PCM1: variants seen among roughly 807,000 people sequenced by gnomAD.
The protein encoded by PCM1 is pericentriolar material 1, also known as pericentriolar material 1 protein.
Under a neutral mutation model 241.9 loss-of-function variants are expected in PCM1, and 157 were observed. The ratio of observed to expected loss-of-function variants is 0.65; its 90% CI spans 0.57 to 0.74. The LOEUF (loss-of-function observed/expected upper bound fraction) is 0.74. Among genes scored for constraint, PCM1 ranks in the 30% least tolerant of loss-of-function variants. PCM1 has a pLI of 0.00. For missense variants in PCM1, 3,478 were observed against 2,360.1 expected, an observed-to-expected ratio of 1.47 and a Z score of -9.81; for synonymous variants, 1,085 against 784.9, an observed-to-expected ratio of 1.38 and a Z score of -6.39.
chr8:17,931,226 C>G (rs569696655), intron 2 of PCM1, among the ~76,000 whole-genome samples: 2 of 152,038 alleles, frequency 1.3e-5, no homozygotes, highest in African/African-American at 4.8e-5. Flanking sequence ...GGAACAAGCT[C>G]TGCATTTTAG....
intron 26 of PCM1, among the ~76,000 whole-genome samples, chr8:17,986,641 T>C (rs1188104124): frequency 6.6e-6 from 1 of 151,746 alleles, no homozygotes; most frequent in Admixed American, 6.6e-5. Flanking sequence ...GTCCTCCAAA[T>C]AGCACTTAGC....
chr8:17,980,563 A>C, intron 23 of PCM1, 28 bp from the exon 24 acceptor site: 2 of 1,555,748 alleles, frequency 1.3e-6, no homozygotes, highest in Non-Finnish European at 8.7e-7. Flanking sequence ...GTTGCAACTG[A>C]TAACAGTTGT....
rs772145803 is a variant in PCM1, at chr8:17,960,027, C to G, written c.2054C>G (p.Ala685Gly). The G allele has an allele frequency of 1.2e-6, 2 of 1,612,422 alleles. No individual in the cohort carries two copies. The highest frequency in any genetic ancestry group is 8.5e-7 in the Non-Finnish European group (1 of 1,179,334). The change falls in exon 14 of 39, where the codon GCT becomes GGT. Residue 685 changes from alanine (A) to glycine (G), a missense_variant. Transcript: ENST00000325083. ...LVAMVQDDDAAQGVISASASN... is the reference protein window; with the variant it reads ...LVAMVQDDDAGQGVISASASN... ...ATGCTCTTTCAGGATGATGATGCAG[C>G]TCAAGGAGTTATCTCTGCCAGTGCA... is the stretch of plus-strand genomic sequence containing the variant.
intron 1 of PCM1, among the ~76,000 whole-genome samples, chr8:17,924,251 T>C (rs949879976): frequency 9.9e-5 from 15 of 152,134 alleles, no homozygotes; most frequent in African/African-American, 3.4e-4. Flanking sequence ...TAATACAGAG[T>C]TTTTGAATTG....
chr8:17,955,899 T>G lies in PCM1; in HGVS notation c.1472+246T>G. 7.9e-6 allele frequency: 4 copies of G among 503,998 alleles called. 1 individual carries two copies. In the East Asian group the frequency reaches 1.1e-4, roughly 14 times the overall value. The allele number at this position is 503,998 out of a possible 1,614,324, so 31.2% of individuals were successfully genotyped here. A position where few individuals can be genotyped will look rare whatever the true frequency, so the allele number is the denominator to read the frequency against. On this transcript the variant is annotated intron_variant, in intron 10 of 38. Transcript: ENST00000325083. ...TGTTTTTCAAATAAAGGATCAAAAA[T>G]AAGATTACAGTTAAAATATTTCTAT...
At chr8:17,944,977 C>G (rs1427209909) in intron 6 of PCM1, among the ~76,000 whole-genome samples, 1 of 152,014 alleles carries the variant, frequency 6.6e-6, no homozygotes, top group Non-Finnish European at 1.5e-5. Flanking sequence ...GCTTTTTTCT[C>G]ATTTGCATAT....
At chr8:17,962,630 G>A (rs1431269506) in intron 16 of PCM1, among the ~76,000 whole-genome samples, 1 of 152,088 alleles carries the variant, frequency 6.6e-6, no homozygotes, top group East Asian at 1.9e-4. Context: ...GCCATGTGCG[G>A]TGACTCACAC....
At chr8:17,997,949 T>C (rs2087545280) in intron 29 of PCM1, among the ~76,000 whole-genome samples, 1 of 150,270 alleles carries the variant, frequency 6.7e-6, no homozygotes, top group South Asian at 2.1e-4. Context: ...GGCAGGAGAA[T>C]CGCTTGAACC....
chr8:17,934,020 A>G (rs1313001392), intron 2 of PCM1, among the ~76,000 whole-genome samples: 3 of 152,118 alleles, frequency 2.0e-5, no homozygotes, highest in Non-Finnish European at 4.4e-5. Context: ...TAAGATTTTT[A>G]AAATTAATAC....
intron 27 of PCM1, among the ~76,000 whole-genome samples, chr8:17,990,503 C>A (rs558955258): frequency 6.7e-6 from 1 of 149,962 alleles, no homozygotes; most frequent in African/African-American, 2.4e-5. Flanking sequence ...TTTTTTCCCC[C>A]TCTCCCATCA....
chr8:17,977,970 C>T (rs1401928444), intron 23 of PCM1, among the ~76,000 whole-genome samples: 2 of 152,020 alleles, frequency 1.3e-5, no homozygotes, highest in East Asian at 1.9e-4. Context: ...AGGGAGAAAA[C>T]AGAAGTAGAC....
intron 29 of PCM1, among the ~76,000 whole-genome samples, chr8:18,003,230 G>A (rs369516713): frequency 6.6e-6 from 1 of 152,274 alleles, no homozygotes; most frequent in African/African-American, 2.4e-5. Flanking sequence ...TAGACACTCA[G>A]TAAACATTAA....
chr8:17,942,429 A>G (rs1444098107), intron 6 of PCM1, among the ~76,000 whole-genome samples: 1 of 151,968 alleles, frequency 6.6e-6, no homozygotes, highest in Non-Finnish European at 1.5e-5. Context: ...GCACTCCAGC[A>G]TGGGTGACAG....
intron 24 of PCM1, among the ~76,000 whole-genome samples, chr8:17,981,561 T>A (rs2080813323): frequency 6.6e-6 from 1 of 152,170 alleles, no homozygotes; most frequent in African/African-American, 2.4e-5. Context: ...AACATGACAT[T>A]AGACTATAGT....
At chr8:17,924,466 C>A (rs142167995) in intron 1 of PCM1, among the ~76,000 whole-genome samples, 30 of 152,242 alleles carry the variant, frequency 2.0e-4, no homozygotes, top group East Asian at 7.7e-4. Flanking sequence ...TTACACTGTT[C>A]CGAAATAGAT....
chr8:17,946,871 G>GTGTGTCCA (rs751529770), intron 6 of PCM1, among the ~76,000 whole-genome samples: 139 of 148,800 alleles, frequency 9.3e-4, no homozygotes, highest in African/African-American at 3.4e-3. Context: ...GTGTGTGTGT[G>GTGTGTCCA]TCCATGTGTC....
intron 36 of PCM1, among the ~76,000 whole-genome samples, chr8:18,019,445 T>A (rs1319763846): frequency 6.6e-6 from 1 of 152,158 alleles, no homozygotes; most frequent in African/African-American, 2.4e-5. Context: ...TATATTTTAT[T>A]TCTATTATTA....
intron 36 of PCM1, 151 bp from the exon 37 acceptor site, chr8:18,025,210 T>C: frequency 2.8e-6 from 1 of 359,584 alleles, no homozygotes. Context: ...TAGCTTTTCC[T>C]ATGAACTGCA....
intron 38 of PCM1, among the ~76,000 whole-genome samples, chr8:18,026,888 C>T (rs1223520006): frequency 2.0e-5 from 3 of 152,140 alleles, no homozygotes; most frequent in Non-Finnish European, 4.4e-5. Context: ...TATACGCTTA[C>T]ATTTTGTTTT....
Sources: allele counts gnomAD v4.1 joint callset (sites outside exome capture counted in the v4.1 genomes callset), GRCh38; gene constraint gnomAD v4.1.1; transcripts MANE v1.5; gene names NCBI Gene and HGNC (gene_info 2026-07-23, HGNC 2026-07-21).